The following TCF3 variants were observed in gnomAD, a reference collection of about 807,000 sequenced individuals.
The protein encoded by TCF3 is transcription factor E2-alpha.
In TCF3, 54 loss-of-function variants were observed where a neutral mutation model predicts 72.3. The observed-to-expected ratio is 0.75, with a 90% confidence interval of 0.60 to 0.94. The LOEUF (loss-of-function observed/expected upper bound fraction) is 0.94. Among genes scored for constraint, TCF3 ranks in the 40% least tolerant of loss-of-function variants. TCF3 has a pLI of 0.00. For synonymous variants in TCF3, 525 were observed against 412.6 expected (o/e 1.27, Z -3.30); for missense variants, 1,078 against 934.4 (o/e 1.15, Z -2.00).
chr19:1,627,832 C>T (rs1289644779), intron 5 of TCF3, among the ~76,000 whole-genome samples: 5 of 60,884 alleles, frequency 8.2e-5, no homozygotes, highest in Admixed American at 1.8e-4. Context: ...AAGGGGACAG[C>T]AGAGCTCACA....
chr19:1,644,587 A>T (rs1399439061), intron 3 of TCF3, among the ~76,000 whole-genome samples: 1 of 152,236 alleles, frequency 6.6e-6, no homozygotes, highest in Non-Finnish European at 1.5e-5. Flanking sequence ...GCACAGGGCG[A>T]GACTCTGTGG....
chr19:1,621,713 C>T, intron 11 of TCF3, 125 bp downstream of exon 11: 3 of 1,296,682 alleles, frequency 2.3e-6, no homozygotes, highest in South Asian at 1.6e-5. Context: ...GAACTGACAA[C>T]AACCCGCTCT....
intron 13 of TCF3, 98 bp from the exon 14 acceptor site, chr19:1,619,951 A>G (rs2061991459): frequency 1.4e-5 from 15 of 1,102,860 alleles, no homozygotes; most frequent in East Asian, 2.6e-5. Context: ...CCGCCTGTCC[A>G]GCCTCCGGTG....
Position 1,615,686 on chromosome 19 carries a change from C to A in TCF3, c.1586G>T (p.Ser529Ile), listed in dbSNP as rs766158611. 6.2e-7 allele frequency: 1 copy of A among 1,613,392 alleles called. No individual in the cohort carries two copies. The highest frequency in any genetic ancestry group is 1.7e-5 in the Admixed American group (1 of 59,992). ...KELKAPRART[S>I]PDEDEDDLLP... ...GGAGTGCCGAGGGGTGGGTTGGCAC[C>A]TGGTCCGGGCCCGGGGGGCCTTCAG... The change falls in exon 17 of 19, where the codon AGC becomes ATC. Residue 529 changes from serine to isoleucine, a missense_variant and splice_region_variant. Coordinates refer to ENST00000262965, the MANE Select transcript of TCF3 (RefSeq NM_003200.5). The surrounding 1 kb of genome is among the most constrained non-coding windows in gnomAD (Gnocchi z 7.3).
rs752448046 is a variant in TCF3, at chr19:1,615,508, G to A, written c.1599C>T (p.Asp533=). The A allele has an allele frequency of 5.7e-5, 92 of 1,608,444 alleles. No homozygotes were observed. The Admixed American group carries it at 1.0e-3, about 18-fold the overall frequency. The change falls in exon 18 of 19, where the codon GAC becomes GAT. Residue 533 remains aspartate, a synonymous_variant. Transcript: ENST00000262965. The surrounding 1 kb of genome is among the most constrained non-coding windows in gnomAD (Gnocchi z 7.3). The part of the protein sequence containing the change: ...APRARTSPDE[D]EDDLLPPEQK... ...GCTCTGGGGGGAGAAGGTCGTCCTC[G>A]TCCTCGTCTGGGCTATGGGGAGGGC... is the stretch of plus-strand genomic sequence containing the variant.
In TCF3 at chr19:1,614,804, G is replaced by A. The variant is rs1457408151; in HGVS notation, c.1822+481C>T. Among the ~76,000 whole-genome samples the A allele has an allele frequency of 6.6e-6, 1 of 152,074 alleles. No individual in the cohort carries two copies. The highest frequency in any genetic ancestry group is 1.5e-5 in the Non-Finnish European group (1 of 67,994). On this transcript the variant is annotated intron_variant, in intron 18 of 18. Transcript: ENST00000262965. This position sits in a 1 kb window ranked among gnomAD's most constrained non-coding sequence, Gnocchi z 5.6. Reference sequence around the variant, plus strand: ...GAAGTTTCCCTATCACCTTCAGATAGGGAAACTGAGTCAGAGACAGGGGAT... The same window carrying A: ...GAAGTTTCCCTATCACCTTCAGATAAGGAAACTGAGTCAGAGACAGGGGAT...
At chr19:1,624,140 G>A in intron 7 of TCF3, 140 bp from the exon 8 acceptor site, 2 of 745,442 alleles carry the variant, frequency 2.7e-6, no homozygotes, top group South Asian at 1.8e-5. Flanking sequence ...CCTCATGCCT[G>A]TAATACCAGG....
intron 1 of TCF3, 32 bp downstream of exon 1, chr19:1,652,268 C>G (rs1308337430): frequency 6.9e-6 from 1 of 144,112 alleles, no homozygotes; most frequent in African/African-American, 2.5e-5. Context: ...ACGGGGGTAC[C>G]GGGCGCGCCC....
At position 1,622,555 on chromosome 19, in the gene TCF3, G is replaced by A. The variant is rs966021257; in HGVS notation, c.550-140C>T. On this transcript the variant is annotated intron_variant, in intron 8 of 18. Transcript: ENST00000262965. Reference sequence around the variant, plus strand: ...TTCCCTGTAAAGCCACCCCCCTTTAGGTAAATCCCAGCCCCTGGCCAAGTT... The same window carrying A: ...TTCCCTGTAAAGCCACCCCCCTTTAAGTAAATCCCAGCCCCTGGCCAAGTT... 1.5e-5 allele frequency: 8 copies of A among 528,732 alleles called. No individual in the cohort carries two copies. The East Asian group carries it at 2.3e-4, about 15-fold the overall frequency. The allele number at this position is 528,732 out of a possible 1,614,324, so 32.8% of individuals were successfully genotyped here.
Position 1,623,961 on chromosome 19 carries a change from AG to A in TCF3, c.538del (p.Leu180PhefsTer104). On this transcript the variant is annotated frameshift_variant, in exon 8 of 19. Coordinates refer to ENST00000262965, the MANE Select transcript of TCF3 (RefSeq NM_003200.5). LOFTEE classifies it high-confidence loss of function. Reference sequence around the variant, plus strand: ...CCTCGTGCGACTCACCGAGGATGGAAGACCCGGCGGGACCTTCCGGACCTTC... The same window carrying A: ...CCTCGTGCGACTCACCGAGGATGGAAACCCGGCGGGACCTTCCGGACCTTC... ...PKKVRKVPPG[L>X]PSSVYPPSSG... The A allele has an allele frequency of 6.2e-7, 1 of 1,613,512 alleles. No individual in the cohort carries two copies. The highest frequency in any genetic ancestry group is 8.5e-7 in the Non-Finnish European group (1 of 1,179,950).
chr19:1,647,926 C>T lies in TCF3; in HGVS notation c.73-1499G>A, dbSNP rs1230630352. Among the ~76,000 whole-genome samples the T allele has an allele frequency of 2.6e-5, 4 of 152,160 alleles. 1 individual carries two copies. Among genetic ancestry groups the T allele is most frequent in the South Asian group, 4.1e-4 (2 of 4,832 alleles). On this transcript the variant is annotated intron_variant, in intron 2 of 18. Coordinates refer to ENST00000262965, the MANE Select transcript of TCF3 (RefSeq NM_003200.5). ...GAAACCCAAAAGCCCATGGGAGTCT[C>T]GCACGCGGCAGGGCCTGGGGAGCTC...
intron 5 of TCF3, among the ~76,000 whole-genome samples, chr19:1,630,382 G>C (rs892370437): frequency 6.6e-6 from 1 of 152,174 alleles, no homozygotes; most frequent in African/African-American, 2.4e-5. Context: ...GACACCAACT[G>C]ACTCTACTGT....
At chr19:1,629,933 C>T (rs2063495866) in intron 5 of TCF3, among the ~76,000 whole-genome samples, 1 of 152,198 alleles carries the variant, frequency 6.6e-6, no homozygotes. Flanking sequence ...CCACAGGCCA[C>T]ACCCGGCCAC....
intron 3 of TCF3, among the ~76,000 whole-genome samples, chr19:1,640,323 C>T (rs2065054841): frequency 6.6e-6 from 1 of 151,974 alleles, no homozygotes; most frequent in Non-Finnish European, 1.5e-5. Flanking sequence ...ATCACCAGGT[C>T]AGGAGACCGA....
intron 11 of TCF3, 38 bp downstream of exon 11, chr19:1,621,800 T>C (rs753042927): frequency 5.9e-6 from 9 of 1,535,500 alleles, no homozygotes; most frequent in South Asian, 1.2e-5. Flanking sequence ...GAGCCCAGTG[T>C]CCCCTCGGAG....
intron 18 of TCF3, among the ~76,000 whole-genome samples, chr19:1,612,787 GTGT>G (rs2061160881): frequency 6.6e-6 from 1 of 151,718 alleles, no homozygotes; most frequent in Non-Finnish European, 1.5e-5. Flanking sequence ...TACACGGCTG[GTGT>G]TGGTGTGGGC....
At position 1,650,215 on chromosome 19, in the gene TCF3, T is replaced by G; in HGVS notation, c.34A>C (p.Thr12Pro). 6.4e-7 allele frequency: 1 copy of G among 1,573,370 alleles called. No homozygotes were observed. The highest frequency in any genetic ancestry group is 2.3e-5 in the East Asian group (1 of 43,710). ...AGGAGGTCACTGAGCTCCTTGTCTGTGCCCACAGGCGCCATCCTCTGCGGC... is the reference window on the plus strand; with the variant it reads ...AGGAGGTCACTGAGCTCCTTGTCTGGGCCCACAGGCGCCATCCTCTGCGGC... ...NQPQRMAPVG[T>P]DKELSDLLDF... The change falls in exon 2 of 19, where the codon ACA becomes CCA. Residue 12 changes from threonine to proline, a missense_variant. Physicochemically the swap from Thr to Pro is conservative, Grantham distance 38. Transcript: ENST00000262965.
chr19:1,640,208 G>A (rs571663790), intron 3 of TCF3, among the ~76,000 whole-genome samples: 164 of 152,000 alleles, frequency 1.1e-3, no homozygotes, highest in African/African-American at 3.8e-3. Flanking sequence ...CTTTTGGCAC[G>A]GGTGGACAGA....
At position 1,616,889 on chromosome 19, in the gene TCF3, CCCA is replaced by C. The variant is rs556921899; in HGVS notation, c.1451-1071_1451-1069del. Among the ~76,000 whole-genome samples the C allele has an allele frequency of 4.7e-3, 712 of 152,278 alleles. 8 individuals carry two copies. Among genetic ancestry groups the C allele is most frequent in the African/African-American group, 0.016 (659 of 41,552 alleles). On this transcript the variant is annotated intron_variant, in intron 16 of 18. Coordinates refer to ENST00000262965, the MANE Select transcript of TCF3 (RefSeq NM_003200.5). Reference sequence around the variant, plus strand: ...AGCATTTGCCAAAGAATAGAAGACACCCACCACAGATGTAGCCAACCAGGAGGT... The same window carrying C: ...AGCATTTGCCAAAGAATAGAAGACACCCACAGATGTAGCCAACCAGGAGGT...
Sources: gnomAD v4.1 joint callset for allele counts (sites outside exome capture counted in the v4.1 genomes callset) on GRCh38, gnomAD v4.1.1 for gene constraint, Gnocchi (gnomAD v3.1) non-coding constraint, MANE v1.5 for transcripts, NCBI Gene and HGNC (gene_info 2026-07-23, HGNC 2026-07-21) for gene names.